NIM1K: variants seen among roughly 807,000 people sequenced by gnomAD.
NIM1K encodes NIM1 serine/threonine protein kinase.
A neutral mutation model predicts 37.1 loss-of-function variants in NIM1K; 35 were observed. The ratio of observed to expected loss-of-function variants is 0.94; its 90% confidence interval spans 0.72 to 1.25. The LOEUF is 1.25. NIM1K is among the 50% of genes most tolerant of loss of function. The pLI, the probability that NIM1K is intolerant of heterozygous loss-of-function variation, is 0.00. For synonymous variants in NIM1K, 234 were observed against 206.6 expected, an observed-to-expected ratio of 1.13 and a Z score of -1.14; for missense variants, 564 against 548.0, an observed-to-expected ratio of 1.03 and a Z score of -0.29.
chr5:43,216,285 T>A (rs1190089419), intron 1 of NIM1K, among the ~76,000 whole-genome samples: 1 of 151,498 alleles, frequency 6.6e-6, no homozygotes. Flanking sequence ...GGGCTGGTAC[T>A]AAGTGAGCCC....
intron 1 of NIM1K, among the ~76,000 whole-genome samples, chr5:43,237,465 C>T (rs797005298): frequency 2.6e-4 from 40 of 152,232 alleles, no homozygotes; most frequent in African/African-American, 8.9e-4. Context: ...AAAAATTGAT[C>T]AAAATCTAAA....
chr5:43,192,227 G>A lies in NIM1K; in HGVS notation c.-879G>A, dbSNP rs55799546. Reference sequence around the variant, plus strand: ...GGAGCCGGCCTAGGCCGGAGGGCGGGGTTTGCCCTGGGCCGCTGCCGGTCA... The same window carrying A: ...GGAGCCGGCCTAGGCCGGAGGGCGGAGTTTGCCCTGGGCCGCTGCCGGTCA... On this transcript the variant is annotated 5_prime_UTR_variant, in exon 1 of 4. Coordinates refer to ENST00000326035, the MANE Select transcript of NIM1K (RefSeq NM_153361.4). 9,338 of 152,516 alleles carry A rather than the reference G, an allele frequency of 0.061. 574 individuals are homozygous for A. Among genetic ancestry groups the A allele is most frequent in the African/African-American group, 0.16 (6,766 of 41,576 alleles). 9.4% of individuals were successfully genotyped at this position (152,516 alleles called of 1,614,324 possible).
intron 1 of NIM1K, among the ~76,000 whole-genome samples, chr5:43,211,606 A>G (rs186386986): frequency 6.6e-6 from 1 of 152,228 alleles, no homozygotes; most frequent in Non-Finnish European, 1.5e-5. Flanking sequence ...TGAGACCTCA[A>G]GTACTTGGAG....
chr5:43,234,445 T>A (rs1457427591), intron 1 of NIM1K, among the ~76,000 whole-genome samples: 1 of 152,150 alleles, frequency 6.6e-6, no homozygotes, highest in East Asian at 1.9e-4. Context: ...CTCCATGTAC[T>A]CATCACCTAG....
At chr5:43,227,871 A>G (rs1177209841) in intron 1 of NIM1K, among the ~76,000 whole-genome samples, 1 of 152,176 alleles carries the variant, frequency 6.6e-6, no homozygotes, top group African/African-American at 2.4e-5. Flanking sequence ...TCAGAAGGGC[A>G]GGGCTGGAAT....
At chr5:43,205,248 A>C (rs912619166) in intron 1 of NIM1K, among the ~76,000 whole-genome samples, 1 of 152,182 alleles carries the variant, frequency 6.6e-6, no homozygotes, top group Non-Finnish European at 1.5e-5. Context: ...GTTTGGACAA[A>C]TGTCTCATCC....
intron 1 of NIM1K, among the ~76,000 whole-genome samples, chr5:43,205,161 C>A (rs1388774081): frequency 6.6e-6 from 1 of 152,228 alleles, no homozygotes; most frequent in Non-Finnish European, 1.5e-5. Flanking sequence ...GGTTCCACTG[C>A]ACACCAGAGG....
chr5:43,278,417 A>G (rs1561097419), intron 3 of NIM1K, among the ~76,000 whole-genome samples: 3 of 152,196 alleles, frequency 2.0e-5, no homozygotes, highest in Admixed American at 1.3e-4. Context: ...CACACTCTGT[A>G]GTTCTCCCAA....
intron 2 of NIM1K, among the ~76,000 whole-genome samples, chr5:43,264,041 C>G (rs1753079758): frequency 1.3e-5 from 2 of 152,124 alleles, no homozygotes; most frequent in South Asian, 4.1e-4. Context: ...TTACTTCCAA[C>G]TATGTAGTCA....
intron 1 of NIM1K, among the ~76,000 whole-genome samples, chr5:43,241,184 T>G (rs549172522): frequency 6.6e-6 from 1 of 152,122 alleles, no homozygotes; most frequent in South Asian, 2.1e-4. Flanking sequence ...CTAATTTTAG[T>G]GTAGTTTATG....
At chr5:43,209,613 T>A (rs1212444003) in intron 1 of NIM1K, among the ~76,000 whole-genome samples, 1 of 152,092 alleles carries the variant, frequency 6.6e-6, no homozygotes, top group Non-Finnish European at 1.5e-5. Flanking sequence ...ATTTTAATTT[T>A]ATTTTATTTC....
chr5:43,230,508 T>C (rs750569735), intron 1 of NIM1K, among the ~76,000 whole-genome samples: 3 of 152,128 alleles, frequency 2.0e-5, no homozygotes, highest in Non-Finnish European at 2.9e-5. Flanking sequence ...CAGTCCTCAG[T>C]TGGATAGCAA....
At chr5:43,225,001 G>C (rs1298854394) in intron 1 of NIM1K, among the ~76,000 whole-genome samples, 1 of 152,004 alleles carries the variant, frequency 6.6e-6, no homozygotes, top group East Asian at 1.9e-4. Flanking sequence ...GCCACAAGTG[G>C]ATTTTTAAAA....
At position 43,279,945 on chromosome 5, in the gene NIM1K, G is replaced by A. The variant is rs77210110; in HGVS notation, c.562-35G>A. ...ACATTTTTTATTTTGACATTTTACT[G>A]TAAAAATGACTTTTCTCTATGTCTT... On this transcript the variant is annotated intron_variant, in intron 3 of 3. Coordinates refer to ENST00000326035, the MANE Select transcript of NIM1K (RefSeq NM_153361.4). 6.3e-3 allele frequency: 9,837 copies of A among 1,552,846 alleles called. 567 individuals are homozygous for A. The African/African-American group carries it at 0.12, about 19-fold the overall frequency.
chr5:43,257,219 A>C (rs978476724), intron 2 of NIM1K, among the ~76,000 whole-genome samples: 2 of 152,130 alleles, frequency 1.3e-5, no homozygotes, highest in Non-Finnish European at 2.9e-5. Flanking sequence ...TATTTTTAAG[A>C]GGAAGATTGA....
chr5:43,274,163 C>A (rs1441120117), intron 2 of NIM1K, among the ~76,000 whole-genome samples: 1 of 152,170 alleles, frequency 6.6e-6, no homozygotes, highest in Non-Finnish European at 1.5e-5. Flanking sequence ...TTCACCCTTA[C>A]AATGCCTCTC....
chr5:43,200,525 C>T (rs1449177854), intron 1 of NIM1K, among the ~76,000 whole-genome samples: 2 of 151,930 alleles, frequency 1.3e-5, no homozygotes, highest in Admixed American at 6.5e-5. Flanking sequence ...TGGTCTTGAC[C>T]TCCCGACCTC....
chr5:43,242,555 T>C (rs558851052), intron 1 of NIM1K, among the ~76,000 whole-genome samples: 1 of 152,042 alleles, frequency 6.6e-6, no homozygotes, highest in South Asian at 2.1e-4. Flanking sequence ...GGGCCAGGAA[T>C]TCTAATAGCT....
intron 1 of NIM1K, among the ~76,000 whole-genome samples, chr5:43,215,940 A>C (rs1463523592): frequency 6.6e-6 from 1 of 152,208 alleles, no homozygotes; most frequent in Admixed American, 6.5e-5. Context: ...ATGACTGCAG[A>C]TACCTACATA....
Sources: allele counts gnomAD v4.1 joint callset (sites outside exome capture counted in the v4.1 genomes callset), GRCh38; gene constraint gnomAD v4.1.1; transcripts MANE v1.5; gene names NCBI Gene and HGNC (gene_info 2026-07-23, HGNC 2026-07-21).